NALF1: variants seen among roughly 807,000 people sequenced by gnomAD.
The protein encoded by NALF1 is NALCN channel auxiliary factor 1, also known as family with sequence similarity 155 member A.
In NALF1, 3 loss-of-function variants were observed where a neutral mutation model predicts 48.4. The ratio of observed to expected loss-of-function variants is 0.06; its 90% CI spans 0.03 to 0.16. NALF1 has a LOEUF of 0.16. Among genes scored for constraint, NALF1 ranks in the 10% least tolerant of loss-of-function variants. The pLI is 1.00. For synonymous variants in NALF1, 262 were observed against 245.7 expected, an observed-to-expected ratio of 1.07 and a Z score of -0.62; for missense variants, 526 against 571.5, an observed-to-expected ratio of 0.92 and a Z score of 0.81.
intron 1 of NALF1, among the ~76,000 whole-genome samples, chr13:107,600,484 T>G (rs995232792): frequency 1.6e-5 from 2 of 125,804 alleles, no homozygotes; most frequent in Non-Finnish European, 3.5e-5. Flanking sequence ...CTAACTATGT[T>G]ATTTTAATAA....
At chr13:107,749,231 C>T (rs548037343) in intron 1 of NALF1, among the ~76,000 whole-genome samples, 1 of 151,714 alleles carries the variant, frequency 6.6e-6, no homozygotes, top group East Asian at 1.9e-4. Context: ...TTGTGAAACA[C>T]ATATTTTTGA....
intron 1 of NALF1, among the ~76,000 whole-genome samples, chr13:107,347,232 TTCTG>T (rs1267035632): frequency 1.3e-5 from 2 of 152,200 alleles, no homozygotes; most frequent in Non-Finnish European, 2.9e-5. Context: ...TTCTGAGGCA[TTCTG>T]CCCCACCTGC....
At chr13:107,230,435 T>C (rs187458157) in intron 1 of NALF1, among the ~76,000 whole-genome samples, 1 of 152,266 alleles carries the variant, frequency 6.6e-6, no homozygotes, top group African/African-American at 2.4e-5. Flanking sequence ...TGGTTGCATG[T>C]TGAAGTGAAA....
At chr13:107,749,422 G>A (rs573408999) in intron 1 of NALF1, among the ~76,000 whole-genome samples, 7 of 152,040 alleles carry the variant, frequency 4.6e-5, no homozygotes, top group African/African-American at 1.4e-4. Flanking sequence ...ACATAGGCAG[G>A]TTTAAATGTT....
chr13:107,836,523 C>T (rs570208018), intron 1 of NALF1, among the ~76,000 whole-genome samples: 11 of 151,888 alleles, frequency 7.2e-5, no homozygotes, highest in Non-Finnish European at 1.5e-4. Context: ...TGGATTAGCC[C>T]TTCTGCTCAT....
chr13:107,186,079 G>T (rs1879164700), intron 2 of NALF1, among the ~76,000 whole-genome samples: 3 of 152,194 alleles, frequency 2.0e-5, no homozygotes, highest in African/African-American at 7.2e-5. Flanking sequence ...CATTAGTCCA[G>T]CATGTCCACA....
intron 1 of NALF1, among the ~76,000 whole-genome samples, chr13:107,275,033 T>C (rs898842209): frequency 7.9e-5 from 12 of 152,206 alleles, no homozygotes; most frequent in Admixed American, 6.5e-4. Context: ...GATGGATTAG[T>C]GTAAGGTGCC....
chr13:107,201,139 C>A (rs893341507), intron 2 of NALF1, among the ~76,000 whole-genome samples: 2 of 151,610 alleles, frequency 1.3e-5, no homozygotes, highest in East Asian at 1.9e-4. Flanking sequence ...TGTGCATGTA[C>A]GTTGATATCT....
intron 1 of NALF1, among the ~76,000 whole-genome samples, chr13:107,212,945 T>C (rs532059708): frequency 2.5e-4 from 38 of 152,204 alleles, no homozygotes; most frequent in Non-Finnish European, 3.5e-4. Flanking sequence ...ATTGGCCAAA[T>C]TGGGGTCCCC....
intron 1 of NALF1, among the ~76,000 whole-genome samples, chr13:107,480,994 T>C (rs61965897): frequency 1.3e-5 from 2 of 152,166 alleles, no homozygotes; most frequent in South Asian, 2.1e-4. Context: ...AAAAAAACTT[T>C]GATCGTTTGA....
At chr13:107,587,466 A>G (rs1409539505) in intron 1 of NALF1, among the ~76,000 whole-genome samples, 6 of 152,140 alleles carry the variant, frequency 3.9e-5, no homozygotes, top group Non-Finnish European at 1.5e-5. Flanking sequence ...TACAATTCCA[A>G]ATATAAATGT....
chr13:107,378,679 GA>G (rs1883381162), intron 1 of NALF1, among the ~76,000 whole-genome samples: 1 of 152,134 alleles, frequency 6.6e-6, no homozygotes, highest in South Asian at 2.1e-4. Context: ...TTGAAATATT[GA>G]ACATTTGAAA....
intron 1 of NALF1, among the ~76,000 whole-genome samples, chr13:107,535,900 C>T (rs543757459): frequency 1.3e-5 from 2 of 152,230 alleles, no homozygotes; most frequent in South Asian, 4.2e-4. Context: ...TGGAACAGAA[C>T]AGAGCCCTCA....
chr13:107,458,174 T>A (rs1884855708), intron 1 of NALF1, among the ~76,000 whole-genome samples: 1 of 152,200 alleles, frequency 6.6e-6, no homozygotes, highest in South Asian at 2.1e-4. Flanking sequence ...AGAAACAGTA[T>A]ATTCTATGTC....
chr13:107,501,529 A>G (rs1875524151), intron 1 of NALF1, among the ~76,000 whole-genome samples: 1 of 152,200 alleles, frequency 6.6e-6, no homozygotes, highest in African/African-American at 2.4e-5. Context: ...ATCTGCTTTC[A>G]CAGTGTCAAA....
intron 1 of NALF1, among the ~76,000 whole-genome samples, chr13:107,318,642 G>C (rs1317354447): frequency 2.0e-5 from 3 of 151,972 alleles, no homozygotes; most frequent in African/African-American, 7.3e-5. Context: ...GCGCAACTTG[G>C]AAATACTCAT....
In NALF1 at chr13:107,597,537, A is replaced by C. The variant is rs546122005; in HGVS notation, c.915+268145T>G. Among the ~76,000 whole-genome samples, 246 of 152,298 alleles carry C rather than the reference A, an allele frequency of 1.6e-3. 1 individual carries two copies. Among genetic ancestry groups the C allele is most frequent in the African/African-American group, 5.6e-3 (232 of 41,566 alleles). Reference sequence around the variant, plus strand: ...CTATCAATCTCATACACATCAAATTATATCTTCCCAGGGCTTTTGTTCTTA... The same window carrying C: ...CTATCAATCTCATACACATCAAATTCTATCTTCCCAGGGCTTTTGTTCTTA... On this transcript the variant is annotated intron_variant, in intron 1 of 2. Transcript: ENST00000375915.
At chr13:107,459,693 G>A (rs1884885936) in intron 1 of NALF1, among the ~76,000 whole-genome samples, 1 of 152,034 alleles carries the variant, frequency 6.6e-6, no homozygotes, top group African/African-American at 2.4e-5. Flanking sequence ...AAAATCCCCT[G>A]TATGTAAGAA....
intron 1 of NALF1, among the ~76,000 whole-genome samples, chr13:107,591,103 G>A (rs957881273): frequency 6.6e-6 from 1 of 151,934 alleles, no homozygotes; most frequent in African/African-American, 2.4e-5. Context: ...AATGCCTAAT[G>A]GAAGTAATAA....
Sources: allele counts gnomAD v4.1 joint callset (sites outside exome capture counted in the v4.1 genomes callset), GRCh38; gene constraint gnomAD v4.1.1; transcripts MANE v1.5; gene names NCBI Gene and HGNC (gene_info 2026-07-23, HGNC 2026-07-21).